The following PIK3R1 variants were observed in gnomAD, a reference collection of about 807,000 sequenced individuals.
PIK3R1 encodes the protein phosphoinositide-3-kinase regulatory subunit 1.
In PIK3R1, 29 loss-of-function variants were observed where a neutral mutation model predicts 98.0. The observed-to-expected ratio is 0.30, with a 90% CI of 0.22 to 0.40. The LOEUF (loss-of-function observed/expected upper bound fraction) is 0.40. PIK3R1 is among the 10% of genes least tolerant of loss of function. The pLI is 1.00. For missense variants in PIK3R1, 596 were observed against 872.7 expected (o/e 0.68, Z 3.99); for synonymous variants, 282 against 311.8 (o/e 0.90, Z 1.01).
intron 7 of PIK3R1, among the ~76,000 whole-genome samples, chr5:68,285,450 T>C (rs1747039385): frequency 1.3e-5 from 2 of 152,230 alleles, no homozygotes; most frequent in South Asian, 4.1e-4. Flanking sequence ...AAATGTGGTC[T>C]GACATTAGAG....
chr5:68,273,466 A>C lies in PIK3R1; in HGVS notation c.411A>C (p.Glu137Asp). The part of the protein sequence containing the change: ...IAPPLLIKLV[E>D]AIEKKGLECS... ...CGCCTCTTCTTATCAAGCTCGTGGA[A>C]GCCATTGAAAAGAAAGGTAACCAGA... Residue 137 changes from glutamate (E) to aspartate (D), a missense_variant, in exon 3 of 16, where the codon GAA becomes GAC. Transcript: ENST00000521381. 6.2e-7 allele frequency: 1 copy of C among 1,613,932 alleles called. No individual in the cohort carries two copies.
intron 2 of PIK3R1, among the ~76,000 whole-genome samples, chr5:68,227,613 A>G (rs891319252): frequency 1.3e-5 from 2 of 152,220 alleles, no homozygotes; most frequent in African/African-American, 4.8e-5. Context: ...GGAAAAATGT[A>G]GAGAGTAATA....
chr5:68,294,942 C>T (rs1354878449), intron 12 of PIK3R1, among the ~76,000 whole-genome samples: 1 of 146,466 alleles, frequency 6.8e-6, no homozygotes, highest in African/African-American at 2.6e-5. Flanking sequence ...CACATGTACC[C>T]TAAAACTTAA....
Position 68,280,695 on chromosome 5 carries a change from T to A in PIK3R1, c.802T>A (p.Phe268Ile), listed in dbSNP as rs1171308007. 1 of 1,614,134 alleles carries A rather than the reference T, an allele frequency of 6.2e-7. No homozygotes were observed. The highest frequency in any genetic ancestry group is 1.1e-5 in the South Asian group (1 of 91,074). Residue 268 changes from phenylalanine (F) to isoleucine (I), a missense_variant, in exon 6 of 16, where the codon TTC becomes ATC. Coordinates refer to ENST00000521381, the MANE Select transcript of PIK3R1 (RefSeq NM_181523.3). ...LLNARVLSEI[F>I]SPMLFRFSAA... is the part of the protein sequence containing the mutation. ...GAATGCAAGAGTACTCTCTGAAATT[T>A]TCAGCCCTATGCTTTTCAGATTCTC...
At chr5:68,290,566 AGTGGTCTG>A in intron 7 of PIK3R1, 1 of 938,846 alleles carries the variant, frequency 1.1e-6, no homozygotes, top group Non-Finnish European at 1.5e-6. Flanking sequence ...ATGAAGCAGG[AGTGGTCTG>A]GTGACATTTT....
At chr5:68,227,965 CAG>C (rs2111969690) in intron 2 of PIK3R1, among the ~76,000 whole-genome samples, 1 of 152,360 alleles carries the variant, frequency 6.6e-6, no homozygotes, top group African/African-American at 2.4e-5. Context: ...CGGTTTCACA[CAG>C]AGACAAGCCT....
chr5:68,235,872 A>ATTTTTTTTTTTT (rs56930555), intron 2 of PIK3R1, among the ~76,000 whole-genome samples: 4 of 146,640 alleles, frequency 2.7e-5, no homozygotes, highest in African/African-American at 2.5e-5. Flanking sequence ...TCTGCCAGGC[A>ATTTTTTTTTTTT]TTTTTTTTTT....
chr5:68,273,241 C>A, intron 2 of PIK3R1, 149 bp from the exon 3 acceptor site: 1 of 728,234 alleles, frequency 1.4e-6, no homozygotes, highest in South Asian at 1.6e-5. Flanking sequence ...GTGGGCATAT[C>A]ACTTTGGCCT....
intron 7 of PIK3R1, among the ~76,000 whole-genome samples, chr5:68,281,799 A>G (rs1459075150): frequency 6.6e-6 from 1 of 152,202 alleles, no homozygotes; most frequent in East Asian, 1.9e-4. Flanking sequence ...TATAGGTAAT[A>G]TATGCAGATT....
chr5:68,225,489 T>C (rs1744239478), intron 1 of PIK3R1, among the ~76,000 whole-genome samples: 1 of 152,142 alleles, frequency 6.6e-6, no homozygotes, highest in South Asian at 2.1e-4. Flanking sequence ...CACCCTTTGC[T>C]CCTCTCGTTC....
intron 2 of PIK3R1, among the ~76,000 whole-genome samples, chr5:68,273,009 G>C (rs1746425098): frequency 6.6e-6 from 1 of 152,174 alleles, no homozygotes; most frequent in South Asian, 2.1e-4. Context: ...CTGCCCTAGA[G>C]TGTGGTATTA....
intron 2 of PIK3R1, among the ~76,000 whole-genome samples, chr5:68,227,389 C>T (rs1435297731): frequency 6.6e-6 from 1 of 152,060 alleles, no homozygotes; most frequent in Admixed American, 6.5e-5. Flanking sequence ...TTTTTTGACA[C>T]CCAAAGGAAA....
intron 2 of PIK3R1, among the ~76,000 whole-genome samples, chr5:68,270,164 C>A (rs1251290277): frequency 1.3e-5 from 2 of 151,988 alleles, no homozygotes; most frequent in African/African-American, 2.4e-5. Context: ...GAAACTTGGT[C>A]CAACACCTGA....
rs1476948458 is a variant in PIK3R1, at chr5:68,273,290, C to G, written c.335-100C>G. The G allele has an allele frequency of 3.6e-6, 4 of 1,104,882 alleles. No homozygotes were observed. In the East Asian group the frequency reaches 9.4e-5, roughly 26 times the overall value. 68.4% of individuals were successfully genotyped at this position (1,104,882 alleles called of 1,614,324 possible). A position where few individuals can be genotyped will look rare whatever the true frequency, so the allele number is the denominator to read the frequency against. On this transcript the variant is annotated intron_variant, in intron 2 of 15. Transcript: ENST00000521381. Reference sequence around the variant, plus strand: ...GCCCAGAGCAGGGGTTCTTCTTGCTCGGGCCTGATGTAATTAAATTATTTT... The same window carrying G: ...GCCCAGAGCAGGGGTTCTTCTTGCTGGGGCCTGATGTAATTAAATTATTTT...
chr5:68,243,794 G>A (rs2112033475), intron 2 of PIK3R1, among the ~76,000 whole-genome samples: 1 of 152,316 alleles, frequency 6.6e-6, no homozygotes, highest in South Asian at 2.1e-4. Context: ...TGAATAGTCT[G>A]CCATGAAATG....
chr5:68,277,178 A>T (rs541943412), intron 4 of PIK3R1, among the ~76,000 whole-genome samples: 2 of 152,380 alleles, frequency 1.3e-5, no homozygotes, highest in Admixed American at 1.3e-4. Context: ...ATTAGATGAA[A>T]CATGCGGGGC....
chr5:68,239,748 A>G, intron 2 of PIK3R1: 1 of 412,878 alleles, frequency 2.4e-6, no homozygotes, highest in Non-Finnish European at 4.8e-6. Flanking sequence ...GGCACCCCGG[A>G]GCCAAAGGCA....
intron 7 of PIK3R1, among the ~76,000 whole-genome samples, chr5:68,289,664 G>A (rs887964570): frequency 7.1e-6 from 1 of 141,298 alleles, no homozygotes; most frequent in Admixed American, 7.7e-5. Flanking sequence ...TATGCAGAAT[G>A]ACTTTGAAGA....
intron 2 of PIK3R1, among the ~76,000 whole-genome samples, chr5:68,258,848 C>G (rs1228152797): frequency 1.3e-5 from 2 of 152,200 alleles, no homozygotes; most frequent in Non-Finnish European, 2.9e-5. Flanking sequence ...TAGTACATAA[C>G]AAACACTATC....
Sources: allele counts gnomAD v4.1 joint callset (sites outside exome capture counted in the v4.1 genomes callset), GRCh38; gene constraint gnomAD v4.1.1; transcripts MANE v1.5; gene names NCBI Gene and HGNC (gene_info 2026-07-23, HGNC 2026-07-21).